TMEM184B: variants seen among roughly 807,000 people sequenced by gnomAD.
The protein encoded by TMEM184B is transmembrane protein 184B.
In TMEM184B, 17 loss-of-function variants were observed where a neutral mutation model predicts 41.8. That is an observed-to-expected ratio of 0.41 (90% CI 0.28 to 0.61). The LOEUF is 0.61. Ranked by LOEUF, TMEM184B falls within the 20% of genes least tolerant of loss-of-function variation. TMEM184B has a pLI of 0.34. For missense variants in TMEM184B, 393 were observed against 557.8 expected (o/e 0.70, Z 2.98); for synonymous variants, 240 against 229.5 (o/e 1.05, Z -0.41).
Position 38,245,969 on chromosome 22 carries a change from G to A in TMEM184B, c.324C>T (p.Tyr108=), listed in dbSNP as rs764342376. The A allele has an allele frequency of 2.1e-5, 31 of 1,445,960 alleles. No homozygotes were observed. The highest frequency in any genetic ancestry group is 6.7e-5 in the South Asian group (6 of 89,032). 89.6% of individuals were successfully genotyped at this position (1,445,960 alleles called of 1,614,324 possible). A position where few individuals can be genotyped will look rare whatever the true frequency, so the allele number is the denominator to read the frequency against. The change falls in exon 3 of 9, where the codon TAC becomes TAT. Residue 108 remains tyrosine, a synonymous_variant. Transcript: ENST00000361906. ...AGTCGCGGACGGTGCCGAAGTACAC[G>A]TAGTACTGGTCGTTGGTGAAGAAGA... is the stretch of plus-strand genomic sequence containing the variant. ...SLLFFTNDQY[Y]VYFGTVRDCY...
In TMEM184B at chr22:38,221,198, C is replaced by A; in HGVS notation, c.*271G>T. Reference sequence around the variant, plus strand: ...GTCCCAGCATGCCCCCAGCACAGGACGGGCAGCAGGGGCATAAGCCTTGCT... The same window carrying A: ...GTCCCAGCATGCCCCCAGCACAGGAAGGGCAGCAGGGGCATAAGCCTTGCT... On this transcript the variant is annotated 3_prime_UTR_variant, in exon 9 of 9. Transcript: ENST00000361906. 2 of 1,310,720 alleles carry A rather than the reference C, an allele frequency of 1.5e-6. No individual in the cohort carries two copies. The highest frequency in any genetic ancestry group is 2.9e-4 in the Middle Eastern group (1 of 3,420). 81.2% of individuals were successfully genotyped at this position (1,310,720 alleles called of 1,614,324 possible).
intron 5 of TMEM184B, among the ~76,000 whole-genome samples, chr22:38,227,085 G>A (rs911410001): frequency 2.0e-5 from 3 of 151,632 alleles, no homozygotes; most frequent in Non-Finnish European, 4.4e-5. Flanking sequence ...GGGTGGCTAC[G>A]TGTCCTGCTC....
At chr22:38,246,514 G>A in intron 2 of TMEM184B, 1 of 271,052 alleles carries the variant, frequency 3.7e-6, no homozygotes, top group South Asian at 3.8e-5. Flanking sequence ...GACTGTGGCA[G>A]CACTGAGCTA....
chr22:38,259,609 G>A (rs1302287513), intron 1 of TMEM184B, among the ~76,000 whole-genome samples: 1 of 152,200 alleles, frequency 6.6e-6, no homozygotes, highest in Non-Finnish European at 1.5e-5. Context: ...GCTGGAAGAG[G>A]CAGGGAAATA....
intron 1 of TMEM184B, among the ~76,000 whole-genome samples, chr22:38,253,026 C>T (rs2092202762): frequency 6.6e-6 from 1 of 152,128 alleles, no homozygotes; most frequent in Admixed American, 6.5e-5. Context: ...CCTGTAGTCC[C>T]AGCTACTGGG....
Position 38,219,524 on chromosome 22 carries a change from A to C in TMEM184B, c.*1945T>G. The stretch of plus-strand genomic sequence containing the variant: ...CAAAGAGCTACTCTACCTGGAAAGA[A>C]AATTAAAAAAAAAAAAGACAAGGTA... On this transcript the variant is annotated 3_prime_UTR_variant, in exon 9 of 9. Coordinates refer to ENST00000361906, the MANE Select transcript of TMEM184B (RefSeq NM_012264.5). 1.0e-6 allele frequency: 1 copy of C among 985,454 alleles called. No homozygotes were observed. The highest frequency in any genetic ancestry group is 4.7e-5 in the South Asian group (1 of 21,280). The allele number at this position is 985,454 out of a possible 1,614,324, so 61.0% of individuals were successfully genotyped here.
rs1442225335 is a variant in TMEM184B at position 38,225,715 on chromosome 22, C to T, written c.618-122G>A. 1.8e-6 allele frequency: 2 copies of T among 1,135,766 alleles called. No homozygotes were observed. The highest frequency in any genetic ancestry group is 3.3e-5 in the African/African-American group (2 of 60,798). The allele number at this position is 1,135,766 out of a possible 1,614,324, so 70.4% of individuals were successfully genotyped here. A position where few individuals can be genotyped will look rare whatever the true frequency, so the allele number is the denominator to read the frequency against. ...CACACCTCCAGCAGAGCTCAACGAG[C>T]CACTGAAGGGGTCAGAATGGGTGAT... On this transcript the variant is annotated intron_variant, in intron 6 of 8. Transcript: ENST00000361906. The surrounding 1 kb of genome is among the most constrained non-coding windows in gnomAD (Gnocchi z 4.4).
chr22:38,261,076 G>A (rs569887152), intron 1 of TMEM184B, among the ~76,000 whole-genome samples: 3 of 152,262 alleles, frequency 2.0e-5, no homozygotes, highest in South Asian at 2.1e-4. Context: ...TGAACTGACC[G>A]CTCTGCTCCC....
chr22:38,235,180 G>A (rs1234387561), intron 3 of TMEM184B, among the ~76,000 whole-genome samples: 8 of 152,214 alleles, frequency 5.3e-5, no homozygotes, highest in African/African-American at 1.2e-4. Context: ...AGGCAGGGCA[G>A]GAGGGGACAC....
At chr22:38,228,406 AAGCAGC>A (rs57862768) in intron 5 of TMEM184B, among the ~76,000 whole-genome samples, 15 of 151,296 alleles carry the variant, frequency 9.9e-5, no homozygotes, top group South Asian at 2.1e-4. Context: ...AGAGAAGCTG[AAGCAGC>A]AGCAGCAGCA....
In TMEM184B at chr22:38,230,739, C is replaced by G; in HGVS notation, c.455G>C (p.Ser152Thr). Residue 152 changes from serine to threonine, a missense_variant, in exon 5 of 9, where the codon AGC (serine) becomes ACC (threonine). Physicochemically the swap from Ser to Thr is moderately conservative, Grantham distance 58 (BLOSUM62 1). Transcript: ENST00000361906. ...GAGGCAGCAGGTGCCATACATACAG[C>G]TGGACCTGGAAGAGACAAGCATAGC... ...SEIRGKPIES[S>T]CMYGTCCLWG... The G allele has an allele frequency of 6.2e-7, 1 of 1,611,662 alleles. No homozygotes were observed. Among genetic ancestry groups the G allele is most frequent in the Middle Eastern group, 1.6e-4 (1 of 6,062 alleles).
At chr22:38,232,993 T>A (rs1313656588) in intron 3 of TMEM184B, among the ~76,000 whole-genome samples, 2 of 152,142 alleles carry the variant, frequency 1.3e-5, no homozygotes, top group African/African-American at 4.8e-5. Flanking sequence ...TCCCACCCTG[T>A]GTCACAATGA....
intron 3 of TMEM184B, among the ~76,000 whole-genome samples, chr22:38,245,426 C>T (rs111763185): frequency 0.013 from 1,855 of 141,476 alleles, 30 homozygotes; most frequent in African/African-American, 0.047. Flanking sequence ...GGGGGAGGGC[C>T]CTTGCTTCCA....
intron 3 of TMEM184B, among the ~76,000 whole-genome samples, chr22:38,236,641 G>A (rs913663752): frequency 1.3e-5 from 2 of 152,048 alleles, no homozygotes; most frequent in Non-Finnish European, 2.9e-5. Flanking sequence ...GGGCCACCAT[G>A]CCTGCCTAAT....
rs934330706 is a variant in TMEM184B at position 38,239,985 on chromosome 22, C to T, written c.358+5950G>A. 3.3e-5 allele frequency among the ~76,000 whole-genome samples: 5 copies of T among 151,728 alleles called. No individual in the cohort carries two copies. Among genetic ancestry groups the T allele is most frequent in the African/African-American group, 7.3e-5 (3 of 41,248 alleles). ...GCGGGTAGAGATGAGGTCGAGGTCT[C>T]GCTCAGTTGCCCAGGCTGGAGTGCA... On this transcript the variant is annotated intron_variant, in intron 3 of 8. Coordinates refer to ENST00000361906, the MANE Select transcript of TMEM184B (RefSeq NM_012264.5). This position sits in a 1 kb window ranked among gnomAD's most constrained non-coding sequence, Gnocchi z 4.6.
At chr22:38,238,735 C>G (rs776321459) in intron 3 of TMEM184B, among the ~76,000 whole-genome samples, 3 of 152,198 alleles carry the variant, frequency 2.0e-5, no homozygotes, top group African/African-American at 7.2e-5. Context: ...CACACTTTTC[C>G]AGGGGAGAAA....
At chr22:38,236,267 ACAC>A (rs1377750674) in intron 3 of TMEM184B, among the ~76,000 whole-genome samples, 2 of 151,990 alleles carry the variant, frequency 1.3e-5, no homozygotes, top group African/African-American at 4.8e-5. Flanking sequence ...TCCATTCTAG[ACAC>A]CACATCTCAA....
chr22:38,219,431 G>A lies in TMEM184B; in HGVS notation c.*2038C>T, dbSNP rs996697045. 3.0e-6 allele frequency: 3 copies of A among 985,506 alleles called. No individual in the cohort carries two copies. In the African/African-American group the frequency reaches 5.3e-5, roughly 17 times the overall value. The allele number at this position is 985,506 out of a possible 1,614,324, so 61.0% of individuals were successfully genotyped here. ...GGAACTCATGGCAGTCATACAACAA[G>A]ATACAAAACTAGGAGACTCTGTCTT... On this transcript the variant is annotated 3_prime_UTR_variant, in exon 9 of 9. Coordinates refer to ENST00000361906, the MANE Select transcript of TMEM184B (RefSeq NM_012264.5).
At chr22:38,245,650 G>T (rs1252440606) in intron 3 of TMEM184B, among the ~76,000 whole-genome samples, 6 of 144,386 alleles carry the variant, frequency 4.2e-5, no homozygotes, top group African/African-American at 1.5e-4. Flanking sequence ...GCATTGAGAA[G>T]CGAGACCCAG....
Sources: allele counts gnomAD v4.1 joint callset (sites outside exome capture counted in the v4.1 genomes callset), GRCh38; gene constraint gnomAD v4.1.1; non-coding constraint Gnocchi (gnomAD v3.1); transcripts MANE v1.5; gene names NCBI Gene and HGNC (gene_info 2026-07-23, HGNC 2026-07-21).